Variants in KIF21A observed in about 807,000 individuals in gnomAD.
The protein encoded by KIF21A is kinesin-like protein KIF21A.
A neutral mutation model predicts 202.9 loss-of-function variants in KIF21A; 114 were observed. The observed-to-expected ratio is 0.56, with a 90% CI of 0.48 to 0.66. The LOEUF (loss-of-function observed/expected upper bound fraction) is 0.66. KIF21A is among the 30% of genes least tolerant of loss of function. The pLI is 0.00. For synonymous variants in KIF21A, 667 were observed against 670.8 expected (o/e 0.99, Z 0.09); for missense variants, 1,677 against 1,994.9 (o/e 0.84, Z 3.04).
At chr12:39,360,238 AC>A (rs1798129568) in intron 7 of KIF21A, among the ~76,000 whole-genome samples, 1 of 152,178 alleles carries the variant, frequency 6.6e-6, no homozygotes, top group African/African-American at 2.4e-5. Context: ...TTAAAAGTTC[AC>A]ACAAAAAGCA....
chr12:39,307,569 T>G lies in KIF21A; in HGVS notation c.4438A>C (p.Lys1480Gln). ...SGNAVRMWDL[K>Q]RFQSTGKLTG... ...TGTTTTCTTAAAAATATCTACCTTT[T>G]AAGATCCCACATCCTGACAGCATTT... is the stretch of plus-strand genomic sequence containing the variant. The change falls in exon 34 of 38, where the codon AAA becomes CAA. Residue 1480 changes from lysine to glutamine, a missense_variant. This residue lies in a region of KIF21A where 705 missense variants were observed against 791.9 expected (regional missense o/e 0.89). Transcript: ENST00000361418. The G allele has an allele frequency of 6.2e-7, 1 of 1,613,994 alleles. No individual in the cohort carries two copies. Among genetic ancestry groups the G allele is most frequent in the Admixed American group, 1.7e-5 (1 of 60,032 alleles).
chr12:39,296,251 A>G (rs1425614480), intron 37 of KIF21A, among the ~76,000 whole-genome samples: 3 of 149,554 alleles, frequency 2.0e-5, no homozygotes, highest in African/African-American at 7.4e-5. Context: ...TTGTATTTTT[A>G]GTAGGGACAG....
chr12:39,432,061 C>T (rs917086761), intron 1 of KIF21A, among the ~76,000 whole-genome samples: 1 of 152,178 alleles, frequency 6.6e-6, no homozygotes, highest in Admixed American at 6.5e-5. Flanking sequence ...AACAGACCAA[C>T]ACGCTACTCA....
intron 1 of KIF21A, among the ~76,000 whole-genome samples, chr12:39,407,520 T>C (rs1189010010): frequency 3.9e-5 from 6 of 152,180 alleles, no homozygotes; most frequent in Non-Finnish European, 8.8e-5. Flanking sequence ...CAATCTTCAA[T>C]GAGTAATATA....
rs979633626 is a variant in KIF21A, at chr12:39,333,098, G to A, written c.2497C>T (p.Leu833Phe). The A allele has an allele frequency of 6.2e-7, 1 of 1,613,970 alleles. No individual in the cohort carries two copies. ...GACATGGGTCTTACTTGCCGACGAAGAGCCGTAACCTGAAATTGCAGCAAA... is the reference window on the plus strand; with the variant it reads ...GACATGGGTCTTACTTGCCGACGAAAAGCCGTAACCTGAAATTGCAGCAAA... The part of the protein sequence containing the change: ...LRRKTEEVTA[L>F]RRQVRPMSDK... The change falls in exon 19 of 38, where the codon CTT becomes TTT. Residue 833 changes from leucine to phenylalanine, a missense_variant. Around this residue, in one of 3 missense-constraint regions of KIF21A, gnomAD observed 966 missense variants for 1,180.9 expected, o/e 0.82. Coordinates refer to ENST00000361418, the MANE Select transcript of KIF21A (RefSeq NM_001173464.2).
At chr12:39,325,462 G>A (rs992725087) in intron 26 of KIF21A, among the ~76,000 whole-genome samples, 1 of 149,552 alleles carries the variant, frequency 6.7e-6, no homozygotes, top group East Asian at 2.0e-4. Context: ...CTCCCGAGTA[G>A]CTGGGACTAC....
intron 1 of KIF21A, among the ~76,000 whole-genome samples, chr12:39,375,177 A>T (rs1242729860): frequency 6.6e-6 from 1 of 152,154 alleles, no homozygotes; most frequent in Non-Finnish European, 1.5e-5. Context: ...AATATATTTA[A>T]ATGAGCCAAG....
intron 1 of KIF21A, among the ~76,000 whole-genome samples, chr12:39,410,959 A>G (rs1953034582): frequency 6.6e-6 from 1 of 151,914 alleles, no homozygotes; most frequent in African/African-American, 2.4e-5. Flanking sequence ...AAATGTCACC[A>G]CCCTCATTCA....
In KIF21A at chr12:39,358,319, C is replaced by T. The variant is rs749287416; in HGVS notation, c.1074G>A (p.Thr358=). Residue 358 remains threonine (T), a synonymous_variant, in exon 8 of 38, where the codon ACG becomes ACA. Coordinates refer to ENST00000361418, the MANE Select transcript of KIF21A (RefSeq NM_001173464.2). The stretch of plus-strand genomic sequence containing the variant: ...GATTGGCGTATTTCAGGGTGTTTAA[C>T]GTTTCCATAAAGTCTCTGTCTGAAG... The part of the protein sequence containing the change: ...VSPSDRDFME[T]LNTLKYANRA... 1.2e-6 allele frequency: 2 copies of T among 1,614,080 alleles called. 1 individual carries two copies.
chr12:39,437,551 A>G (rs979833760), intron 1 of KIF21A, among the ~76,000 whole-genome samples: 1 of 152,192 alleles, frequency 6.6e-6, no homozygotes, highest in Non-Finnish European at 1.5e-5. Context: ...ATTTTGTATC[A>G]TTGTCTGTGA....
At chr12:39,411,626 A>G (rs1953085877) in intron 1 of KIF21A, among the ~76,000 whole-genome samples, 1 of 152,194 alleles carries the variant, frequency 6.6e-6, no homozygotes, top group Non-Finnish European at 1.5e-5. Context: ...TCCTGGGCTC[A>G]AGTGGCCCTC....
chr12:39,418,208 G>C (rs1038914556), intron 1 of KIF21A, among the ~76,000 whole-genome samples: 1 of 149,568 alleles, frequency 6.7e-6, no homozygotes, highest in African/African-American at 2.5e-5. Context: ...AAAAAAAAAA[G>C]AGCAAAGAGT....
In KIF21A at chr12:39,303,019, C is replaced by A. The variant is rs1187158675; in HGVS notation, c.4677G>T (p.Gly1559=). The A allele has an allele frequency of 1.2e-6, 2 of 1,613,990 alleles. No individual in the cohort carries two copies. Among genetic ancestry groups the A allele is most frequent in the South Asian group, 1.1e-5 (1 of 91,074 alleles). The change falls in exon 36 of 38, where the codon GGG becomes GGT. Residue 1559 remains glycine (G), a synonymous_variant. Coordinates refer to ENST00000361418, the MANE Select transcript of KIF21A (RefSeq NM_001173464.2). The part of the protein sequence containing the change: ...LTIQGDNLFS[G]SRDNGIKKWD... ...ATTTCTTGATTCCATTATCTCTAGACCCACTAAATAGGTTATCCCCTTGAA... is the reference window on the plus strand; with the variant it reads ...ATTTCTTGATTCCATTATCTCTAGAACCACTAAATAGGTTATCCCCTTGAA...
chr12:39,355,468 T>C (rs1194466327), intron 10 of KIF21A, among the ~76,000 whole-genome samples: 1 of 151,728 alleles, frequency 6.6e-6, no homozygotes, highest in Non-Finnish European at 1.5e-5. Flanking sequence ...AGACGCAGCC[T>C]AAGAGCAGAA....
intron 1 of KIF21A, among the ~76,000 whole-genome samples, chr12:39,389,476 C>A (rs1159833567): frequency 1.3e-5 from 2 of 152,174 alleles, no homozygotes; most frequent in African/African-American, 4.8e-5. Context: ...GATGCCCTAA[C>A]TGGCAATTAA....
At chr12:39,431,964 A>G (rs1937977809) in intron 1 of KIF21A, among the ~76,000 whole-genome samples, 2 of 152,244 alleles carry the variant, frequency 1.3e-5, no homozygotes, top group Non-Finnish European at 2.9e-5. Context: ...TTCAAATGGC[A>G]GGTCAAATAA....
intron 1 of KIF21A, among the ~76,000 whole-genome samples, chr12:39,438,445 T>C (rs965984349): frequency 2.0e-5 from 3 of 152,084 alleles, no homozygotes; most frequent in Non-Finnish European, 4.4e-5. Flanking sequence ...AAACCAGCAT[T>C]GGGAAAAAGA....
intron 1 of KIF21A, among the ~76,000 whole-genome samples, chr12:39,413,771 C>A (rs368838534): frequency 1.5e-4 from 23 of 152,202 alleles, no homozygotes; most frequent in South Asian, 1.2e-3. Flanking sequence ...AAGAACTTAT[C>A]TCTAAAAATA....
rs1945410044 is a variant in KIF21A, at chr12:39,322,661, A to G, written c.3671+7T>C. The stretch of plus-strand genomic sequence containing the variant: ...AAAAGAAGTTAGTGTAGCTGGGCCA[A>G]ACTTACATGCTGCCTATCTTAGAAG... On this transcript the variant is annotated splice_region_variant and intron_variant, in intron 27 of 37. Coordinates refer to ENST00000361418, the MANE Select transcript of KIF21A (RefSeq NM_001173464.2). The G allele has an allele frequency of 6.2e-7, 1 of 1,613,040 alleles. No homozygotes were observed.
Sources: gnomAD v4.1 joint callset for allele counts (sites outside exome capture counted in the v4.1 genomes callset) on GRCh38, gnomAD v4.1.1 for gene constraint, gnomAD v4.1.1 regional missense constraint, MANE v1.5 for transcripts, NCBI Gene and HGNC (gene_info 2026-07-23, HGNC 2026-07-21) for gene names.